The following ROBO2 variants were observed in gnomAD, a reference collection of about 807,000 sequenced individuals.
ROBO2 encodes the protein roundabout guidance receptor 2.
A neutral mutation model predicts 160.8 loss-of-function variants in ROBO2; 53 were observed. That is an observed-to-expected ratio of 0.33 (90% confidence interval 0.26 to 0.41). The LOEUF is 0.41. ROBO2 is among the 10% of genes least tolerant of loss of function. The probability of loss-of-function intolerance (pLI) is 1.00; values close to 1 mark genes in which losing one functional copy is unlikely to be tolerated. For synonymous variants in ROBO2, 664 were observed against 611.7 expected, an observed-to-expected ratio of 1.09 and a Z score of -1.26; for missense variants, 1,577 against 1,722.4, an observed-to-expected ratio of 0.92 and a Z score of 1.49.
At chr3:77,479,909 G>C (rs1043577420) in intron 3 of ROBO2, among the ~76,000 whole-genome samples, 1 of 152,080 alleles carries the variant, frequency 6.6e-6, no homozygotes, top group Admixed American at 6.5e-5. Context: ...AACTCAGCAA[G>C]AGAAGGCAAG....
chr3:77,308,516 C>T (rs1280895436), intron 2 of ROBO2, among the ~76,000 whole-genome samples: 1 of 151,946 alleles, frequency 6.6e-6, no homozygotes, highest in East Asian at 1.9e-4. Context: ...AGAGCCCTGG[C>T]AGGAGAAACA....
chr3:75,912,009 A>G (rs1444031702), intron 1 of ROBO2, among the ~76,000 whole-genome samples: 1 of 152,214 alleles, frequency 6.6e-6, no homozygotes, highest in Non-Finnish European at 1.5e-5. Context: ...ATATATTACT[A>G]TGGAGATATC....
intron 2 of ROBO2, among the ~76,000 whole-genome samples, chr3:76,024,054 CATT>C (rs970691782): frequency 1.8e-4 from 28 of 151,454 alleles, no homozygotes; most frequent in Admixed American, 1.3e-3. Context: ...AACATCATCT[CATT>C]AGTTATATAT....
At chr3:76,434,225 C>T in intron 2 of ROBO2, 1 of 1,042,804 alleles carries the variant, frequency 9.6e-7, no homozygotes, top group Non-Finnish European at 1.5e-6. Flanking sequence ...CAGAGATGGT[C>T]CACACAGGTT....
chr3:76,376,954 C>G (rs927687159), intron 2 of ROBO2, among the ~76,000 whole-genome samples: 2 of 152,062 alleles, frequency 1.3e-5, no homozygotes, highest in African/African-American at 4.8e-5. Flanking sequence ...CTGGGTGTTG[C>G]TAAAGGTCAA....
At chr3:76,283,950 T>A (rs1335640908) in intron 2 of ROBO2, among the ~76,000 whole-genome samples, 1 of 152,020 alleles carries the variant, frequency 6.6e-6, no homozygotes, top group Non-Finnish European at 1.5e-5. Flanking sequence ...TTTACTTTAA[T>A]CTTATGGACC....
chr3:76,520,270 G>T (rs938563939), intron 2 of ROBO2, among the ~76,000 whole-genome samples: 3 of 152,130 alleles, frequency 2.0e-5, no homozygotes, highest in Non-Finnish European at 2.9e-5. Flanking sequence ...GGCCAACATG[G>T]TGAAACCCCG....
intron 2 of ROBO2, among the ~76,000 whole-genome samples, chr3:76,111,067 G>C (rs940143098): frequency 6.6e-6 from 1 of 151,984 alleles, no homozygotes; most frequent in African/African-American, 2.4e-5. Context: ...ACCTTAAAAT[G>C]TTACCATATT....
At chr3:77,088,514 G>C (rs372562350) in intron 1 of ROBO2, among the ~76,000 whole-genome samples, 1 of 152,042 alleles carries the variant, frequency 6.6e-6, no homozygotes, top group Non-Finnish European at 1.5e-5. Flanking sequence ...TATTAACCCC[G>C]TAAGCATTAG....
chr3:76,896,832 C>A (rs1405531300), intron 2 of ROBO2, among the ~76,000 whole-genome samples: 1 of 152,116 alleles, frequency 6.6e-6, no homozygotes, highest in African/African-American at 2.4e-5. Flanking sequence ...AGGAGAATTT[C>A]TAAACTTTTA....
At chr3:76,179,378 C>T (rs1023070074) in intron 2 of ROBO2, among the ~76,000 whole-genome samples, 10 of 152,162 alleles carry the variant, frequency 6.6e-5, no homozygotes, top group African/African-American at 2.4e-4. Context: ...CCTACCTCTT[C>T]CCCAGTGTTC....
intron 2 of ROBO2, among the ~76,000 whole-genome samples, chr3:76,337,458 C>T (rs963301037): frequency 1.3e-5 from 2 of 152,100 alleles, no homozygotes; most frequent in African/African-American, 4.8e-5. Flanking sequence ...GAAAATTTAC[C>T]TTTGCTAACA....
chr3:76,747,163 T>G (rs1452870593), intron 2 of ROBO2, among the ~76,000 whole-genome samples: 4 of 152,146 alleles, frequency 2.6e-5, no homozygotes, highest in African/African-American at 9.6e-5. Flanking sequence ...ATATGTCAAG[T>G]CCTTCCGTCT....
chr3:76,300,568 G>A (rs949576912), intron 2 of ROBO2, among the ~76,000 whole-genome samples: 2 of 151,376 alleles, frequency 1.3e-5, no homozygotes, highest in Non-Finnish European at 2.9e-5. Flanking sequence ...TGCCATTAAG[G>A]GTGATTAATT....
At chr3:76,152,703 G>T (rs913425967) in intron 2 of ROBO2, among the ~76,000 whole-genome samples, 4 of 152,044 alleles carry the variant, frequency 2.6e-5, no homozygotes, top group African/African-American at 9.7e-5. Flanking sequence ...ATTAAGGAAG[G>T]TATATGAAGA....
At chr3:76,364,382 A>T (rs1411450882) in intron 2 of ROBO2, among the ~76,000 whole-genome samples, 1 of 151,862 alleles carries the variant, frequency 6.6e-6, no homozygotes, top group Admixed American at 6.6e-5. Flanking sequence ...TGAGTTCTTT[A>T]TGATGTGTCT....
In ROBO2 at chr3:77,499,253, G is replaced by T. The variant is rs757678051; in HGVS notation, c.806+5871G>T. Among the ~76,000 whole-genome samples the T allele has an allele frequency of 2.4e-4, 37 of 152,174 alleles. 1 individual carries two copies. The highest frequency in any genetic ancestry group is 4.6e-4 in the Non-Finnish European group (31 of 68,036). ...GACAAATTTCTCTACTGCAAACTAG[G>T]AATGTGATCTTGAAGAAGCTATTTA... On this transcript the variant is annotated intron_variant, in intron 5 of 25. Coordinates refer to ENST00000461745, the Ensembl canonical transcript of ROBO2.
At chr3:77,446,782 T>C (rs1232433857) in intron 2 of ROBO2, among the ~76,000 whole-genome samples, 1 of 152,002 alleles carries the variant, frequency 6.6e-6, no homozygotes, top group Non-Finnish European at 1.5e-5. Context: ...TTTAGTGAAA[T>C]ATAGTGGTGG....
intron 2 of ROBO2, among the ~76,000 whole-genome samples, chr3:75,992,987 A>G (rs965057238): frequency 2.7e-5 from 4 of 150,738 alleles, no homozygotes; most frequent in South Asian, 2.1e-4. Context: ...CCTGTACCCC[A>G]TTGTATCTAG....
Sources: gnomAD v4.1 joint callset for allele counts (sites outside exome capture counted in the v4.1 genomes callset) on GRCh38, gnomAD v4.1.1 for gene constraint, MANE v1.5 for transcripts, NCBI Gene and HGNC (gene_info 2026-07-23, HGNC 2026-07-21) for gene names.